Variants in NKAIN3 observed in about 807,000 individuals in gnomAD.
NKAIN3 encodes the protein sodium/potassium transporting ATPase interacting 3.
A neutral mutation model predicts 30.2 loss-of-function variants in NKAIN3; 25 were observed. That is an observed-to-expected ratio of 0.83 (90% CI 0.60 to 1.16). NKAIN3 has a LOEUF of 1.16. Ranked by LOEUF, NKAIN3 falls within the 50% of genes most tolerant of loss-of-function variation. The pLI, the probability that NKAIN3 is intolerant of heterozygous loss-of-function variation, is 0.00. For synonymous variants in NKAIN3, 91 were observed against 89.6 expected, an observed-to-expected ratio of 1.02 and a Z score of -0.09; for missense variants, 225 against 254.1, an observed-to-expected ratio of 0.89 and a Z score of 0.78.
rs1807635415 is a variant in NKAIN3 at position 62,506,261 on chromosome 8, T to A, written c.55-73278T>A. ...GGGACATTATTTCACCTGCCATATA[T>A]CTTACTGTCATGTTCTAATTTATAA... On this transcript the variant is annotated intron_variant, in intron 1 of 6. Coordinates refer to ENST00000623646, the MANE Select transcript of NKAIN3 (RefSeq NM_001304533.3). 2.0e-5 allele frequency among the ~76,000 whole-genome samples: 3 copies of A among 150,384 alleles called. 1 individual carries two copies. Among genetic ancestry groups the A allele is most frequent in the African/African-American group, 7.3e-5 (3 of 41,042 alleles).
At position 62,577,067 on chromosome 8, in the gene NKAIN3, G is replaced by C. The variant is rs77930264; in HGVS notation, c.55-2472G>C. ...TATTTTTGAAGGCTTGTTGTTTTTA[G>C]TTACCTTTTCAAATTTATAATACTC... On this transcript the variant is annotated intron_variant, in intron 1 of 6. Coordinates refer to ENST00000623646, the MANE Select transcript of NKAIN3 (RefSeq NM_001304533.3). 3.5e-4 allele frequency among the ~76,000 whole-genome samples: 54 copies of C among 152,122 alleles called. No homozygotes were observed. In the East Asian group the frequency reaches 0.01, roughly 28 times the overall value.
intron 4 of NKAIN3, among the ~76,000 whole-genome samples, chr8:62,845,036 G>C (rs1417975476): frequency 1.3e-5 from 2 of 151,642 alleles, no homozygotes; most frequent in African/African-American, 4.8e-5. Context: ...CAAGTATATT[G>C]TATGCAACCG....
chr8:62,296,428 G>A (rs776954532), intron 1 of NKAIN3, among the ~76,000 whole-genome samples: 1 of 152,158 alleles, frequency 6.6e-6, no homozygotes, highest in Non-Finnish European at 1.5e-5. Context: ...AGGAACCTAA[G>A]ATGCTATGCC....
chr8:62,552,085 T>C (rs1809234174), intron 1 of NKAIN3, among the ~76,000 whole-genome samples: 1 of 152,182 alleles, frequency 6.6e-6, no homozygotes, highest in East Asian at 1.9e-4. Flanking sequence ...TATATTGCGG[T>C]GCAACACATA....
intron 1 of NKAIN3, among the ~76,000 whole-genome samples, chr8:62,296,498 C>G (rs189312418): frequency 1.3e-5 from 2 of 152,222 alleles, no homozygotes; most frequent in East Asian, 3.9e-4. Flanking sequence ...AACACACCAT[C>G]TCCTATTCAA....
chr8:62,450,446 T>C (rs1805606676), intron 1 of NKAIN3, among the ~76,000 whole-genome samples: 1 of 152,166 alleles, frequency 6.6e-6, no homozygotes, highest in South Asian at 2.1e-4. Flanking sequence ...CAGATCTGCT[T>C]ACCCAGAGCA....
chr8:62,845,074 C>A (rs979181788), intron 4 of NKAIN3, among the ~76,000 whole-genome samples: 1 of 151,356 alleles, frequency 6.6e-6, no homozygotes, highest in African/African-American at 2.4e-5. Flanking sequence ...ACTGCCCCGA[C>A]CTAGAACATA....
At chr8:62,299,431 G>A (rs1813962886) in intron 1 of NKAIN3, among the ~76,000 whole-genome samples, 1 of 152,058 alleles carries the variant, frequency 6.6e-6, no homozygotes, top group African/African-American at 2.4e-5. Context: ...GATTGGAAAT[G>A]CTTATTCCCT....
intron 1 of NKAIN3, among the ~76,000 whole-genome samples, chr8:62,332,100 C>G (rs1815376896): frequency 6.6e-6 from 1 of 152,066 alleles, no homozygotes; most frequent in Non-Finnish European, 1.5e-5. Flanking sequence ...TTCAATAGAG[C>G]CTCATGACAG....
chr8:62,989,028 C>T (rs190312905), downstream of NKAIN3, among the ~76,000 whole-genome samples: 113 of 152,312 alleles, frequency 7.4e-4, 1 homozygote, highest in African/African-American at 2.6e-3. Flanking sequence ...AAAGAACAAC[C>T]TTTATTCCAG....
intron 1 of NKAIN3, among the ~76,000 whole-genome samples, chr8:62,445,296 G>A (rs1805451452): frequency 6.6e-6 from 1 of 150,836 alleles, no homozygotes; most frequent in Non-Finnish European, 1.5e-5. Context: ...CCATATACCT[G>A]TTGGCCATCT....
chr8:62,551,994 C>A (rs993627866), intron 1 of NKAIN3, among the ~76,000 whole-genome samples: 1 of 152,094 alleles, frequency 6.6e-6, no homozygotes, highest in Non-Finnish European at 1.5e-5. Context: ...AAATGTGGGC[C>A]TTTCCATTAT....
chr8:62,796,669 T>C (rs1311694794), intron 4 of NKAIN3, among the ~76,000 whole-genome samples: 3 of 152,150 alleles, frequency 2.0e-5, no homozygotes, highest in African/African-American at 4.8e-5. Flanking sequence ...AGTCTTAACC[T>C]ATCTTGTACT....
In NKAIN3 at chr8:62,695,320, C is replaced by T. The variant is rs143561112; in HGVS notation, c.274-51612C>T. Among the ~76,000 whole-genome samples the T allele has an allele frequency of 1.1e-3, 161 of 152,070 alleles. 1 individual carries two copies. Among genetic ancestry groups the T allele is most frequent in the African/African-American group, 3.3e-3 (135 of 41,492 alleles). Reference sequence around the variant, plus strand: ...CAATGGTTTAGTGACATTCAATGAACGAATTATGGAAGCAAAGCTTTAAGA... The same window carrying T: ...CAATGGTTTAGTGACATTCAATGAATGAATTATGGAAGCAAAGCTTTAAGA... On this transcript the variant is annotated intron_variant, in intron 3 of 6. Transcript: ENST00000623646.
chr8:62,409,446 A>G (rs1276137202), intron 1 of NKAIN3, among the ~76,000 whole-genome samples: 4 of 152,154 alleles, frequency 2.6e-5, no homozygotes, highest in Non-Finnish European at 4.4e-5. Flanking sequence ...GGCCTCCCAA[A>G]GTGCTGGGAT....
At chr8:62,521,253 TGG>T (rs1808147690) in intron 1 of NKAIN3, among the ~76,000 whole-genome samples, 1 of 151,936 alleles carries the variant, frequency 6.6e-6, no homozygotes, top group African/African-American at 2.4e-5. Context: ...GGAAAACCCA[TGG>T]GTAGAAAGGC....
At chr8:62,943,922 C>T (rs1230061620) in intron 5 of NKAIN3, among the ~76,000 whole-genome samples, 1 of 151,568 alleles carries the variant, frequency 6.6e-6, no homozygotes, top group South Asian at 2.1e-4. Flanking sequence ...GAAAACCAAA[C>T]ATTGTATGTT....
At chr8:62,395,413 C>T (rs1316199152) in intron 1 of NKAIN3, among the ~76,000 whole-genome samples, 3 of 152,060 alleles carry the variant, frequency 2.0e-5, no homozygotes, top group African/African-American at 4.8e-5. Context: ...CCAGGCGGTG[C>T]GGGAACCAGG....
intron 1 of NKAIN3, among the ~76,000 whole-genome samples, chr8:62,461,612 G>A (rs1291481906): frequency 6.6e-6 from 1 of 152,170 alleles, no homozygotes; most frequent in Non-Finnish European, 1.5e-5. Flanking sequence ...TTGCCAAATA[G>A]AGAATATCAA....
Sources: gnomAD v4.1 joint callset for allele counts (sites outside exome capture counted in the v4.1 genomes callset) on GRCh38, gnomAD v4.1.1 for gene constraint, MANE v1.5 for transcripts, NCBI Gene and HGNC (gene_info 2026-07-23, HGNC 2026-07-21) for gene names.